The following BRDT variants were observed in gnomAD, a reference collection of about 807,000 sequenced individuals.
The protein encoded by BRDT is bromodomain testis-specific protein.
BRDT carries 77 observed loss-of-function variants against 113.9 expected under a neutral mutation model. That is an observed-to-expected ratio of 0.68 (90% confidence interval 0.56 to 0.82). The LOEUF is 0.82. Ranked by LOEUF, BRDT falls within the 40% of genes least tolerant of loss-of-function variation. The pLI is 0.00. For synonymous variants in BRDT, 358 were observed against 366.5 expected (o/e 0.98, Z 0.26); for missense variants, 1,027 against 1,105.4 (o/e 0.93, Z 1.01).
At chr1:91,954,849 G>C (rs981696568) in intron 1 of BRDT, among the ~76,000 whole-genome samples, 5 of 152,100 alleles carry the variant, frequency 3.3e-5, no homozygotes, top group Non-Finnish European at 5.9e-5. Flanking sequence ...TGTAGTCCCA[G>C]CTACTTGGGA....
chr1:91,961,953 C>T (rs7539390), intron 1 of BRDT, among the ~76,000 whole-genome samples: 1 of 151,706 alleles, frequency 6.6e-6, no homozygotes, highest in Non-Finnish European at 1.5e-5. Flanking sequence ...GTCAGGAGAT[C>T]TAGACCACGG....
intron 12 of BRDT, among the ~76,000 whole-genome samples, chr1:91,984,840 T>A (rs1685064957): frequency 6.6e-6 from 1 of 152,168 alleles, no homozygotes; most frequent in Non-Finnish European, 1.5e-5. Context: ...GGTTTCAACA[T>A]GTTTCCAAGG....
rs767284346 is a variant in BRDT at position 92,014,166 on chromosome 1, AT to A, written c.2776-35del. ...TTGTATAGTTGTAGTAAAGACATAC[AT>A]TTTTAAAGTAATATTAAAATTTTCT... On this transcript the variant is annotated intron_variant, in intron 18 of 18. Coordinates refer to ENST00000399546, the MANE Select transcript of BRDT (RefSeq NM_207189.4). The A allele has an allele frequency of 1.7e-5, 24 of 1,386,932 alleles. No individual in the cohort carries two copies. The African/African-American group carries it at 2.9e-4, about 17-fold the overall frequency. 85.9% of individuals were successfully genotyped at this position (1,386,932 alleles called of 1,614,324 possible).
At chr1:91,975,417 TA>T (rs1396480959) in intron 4 of BRDT, among the ~76,000 whole-genome samples, 1 of 152,200 alleles carries the variant, frequency 6.6e-6, no homozygotes, top group Non-Finnish European at 1.5e-5. Flanking sequence ...ATTTGAGTTT[TA>T]AAAGATCACT....
At chr1:91,971,903 T>C (rs1683663715) in intron 4 of BRDT, among the ~76,000 whole-genome samples, 1 of 152,198 alleles carries the variant, frequency 6.6e-6, no homozygotes, top group African/African-American at 2.4e-5. Context: ...CTTGGATCAT[T>C]AATCTCTCCT....
intron 7 of BRDT, 148 bp downstream of exon 7, chr1:91,978,444 A>G: frequency 1.1e-6 from 1 of 928,248 alleles, no homozygotes; most frequent in East Asian, 2.7e-5. Context: ...TGCACCAACA[A>G]AACAGTTTAT....
At chr1:91,967,502 A>G (rs1031614158) in intron 3 of BRDT, among the ~76,000 whole-genome samples, 3 of 152,060 alleles carry the variant, frequency 2.0e-5, no homozygotes, top group African/African-American at 7.2e-5. Context: ...GGGTTCAAGC[A>G]ATTCTCCTGC....
At chr1:91,977,871 A>G (rs1049490304) in intron 6 of BRDT, among the ~76,000 whole-genome samples, 1 of 151,916 alleles carries the variant, frequency 6.6e-6, no homozygotes, top group East Asian at 1.9e-4. Flanking sequence ...CTCTGTCTCA[A>G]AAAAAAAGAT....
chr1:91,962,836 T>C lies in BRDT; in HGVS notation c.82T>C (p.Leu28=). 1 of 1,612,866 alleles carries C rather than the reference T, an allele frequency of 6.2e-7. No homozygotes were observed. Residue 28 remains leucine, a synonymous_variant, in exon 2 of 19, where the codon TTG becomes CTG. Transcript: ENST00000399546. ...EYINTKKNGR[L]TNQLQYLQKV... ...TATAAATACTAAGAAAAATGGGCGA[T>C]TGACAAATCAACTTCAGTATCTACA...
At chr1:91,964,079 G>C (rs1387593757) in intron 2 of BRDT, among the ~76,000 whole-genome samples, 1 of 151,502 alleles carries the variant, frequency 6.6e-6, no homozygotes, top group Non-Finnish European at 1.5e-5. Context: ...TGTGTTTTTT[G>C]AGACAGAGTC....
rs1686903087 is a variant in BRDT, at chr1:92,002,062, G to C, written c.2301G>C (p.Gln767His). 1 of 1,612,158 alleles carries C rather than the reference G, an allele frequency of 6.2e-7. No homozygotes were observed. The highest frequency in any genetic ancestry group is 1.3e-5 in the African/African-American group (1 of 74,858). Residue 767 changes from glutamine (Q) to histidine (H), a missense_variant, in exon 16 of 19, where the codon CAG becomes CAC. By Grantham distance (24) the Gln-to-His change is conservative. Transcript: ENST00000399546. ...QILPPSGDSEQLSNGITVMHP... is the reference protein window; with the variant it reads ...QILPPSGDSEHLSNGITVMHP... ...GTGTGCATCCAGGTGATTCTGAACA[G>C]CTCTCAAATGGCATAACTGTGATGC...
intron 1 of BRDT, among the ~76,000 whole-genome samples, chr1:91,958,094 C>T (rs186720920): frequency 0.013 from 2,026 of 152,154 alleles, 117 homozygotes; most frequent in Admixed American, 0.1. Flanking sequence ...CCACCTGCCT[C>T]GGCCTTCCAA....
At chr1:91,988,189 A>G (rs1685439004) in intron 12 of BRDT, among the ~76,000 whole-genome samples, 1 of 152,048 alleles carries the variant, frequency 6.6e-6, no homozygotes, top group Non-Finnish European at 1.5e-5. Context: ...AAACTTTGCT[A>G]ACAAAGTTTT....
At chr1:91,977,484 G>A (rs1265895832) in intron 6 of BRDT, 91 bp downstream of exon 6, 3 of 1,131,020 alleles carry the variant, frequency 2.7e-6, no homozygotes, top group African/African-American at 1.6e-5. Flanking sequence ...AGAAAAAGAT[G>A]AAGGAAATTA....
intron 4 of BRDT, among the ~76,000 whole-genome samples, chr1:91,969,986 G>A (rs1683470025): frequency 1.3e-5 from 2 of 151,824 alleles, no homozygotes; most frequent in South Asian, 2.1e-4. Context: ...ATGCCACCAT[G>A]CCCAGCTAAT....
chr1:91,971,438 C>T (rs1040891338), intron 4 of BRDT, among the ~76,000 whole-genome samples: 1 of 152,140 alleles, frequency 6.6e-6, no homozygotes, highest in South Asian at 2.1e-4. Flanking sequence ...CAGAAGCATT[C>T]CACTACCAGA....
chr1:91,989,736 C>G (rs1685600698), intron 12 of BRDT, among the ~76,000 whole-genome samples: 1 of 152,198 alleles, frequency 6.6e-6, no homozygotes, highest in Non-Finnish European at 1.5e-5. Flanking sequence ...TCTCTTCCTC[C>G]TATGCCTAGC....
chr1:91,978,997 C>CAAAAAAAA (rs774952902), intron 7 of BRDT, among the ~76,000 whole-genome samples: 2 of 77,096 alleles, frequency 2.6e-5, no homozygotes, highest in African/African-American at 4.3e-5. Flanking sequence ...GACTACGTCT[C>CAAAAAAAA]AAAAAAAAAA....
At chr1:91,955,828 T>C (rs556698390) in intron 1 of BRDT, among the ~76,000 whole-genome samples, 9 of 152,314 alleles carry the variant, frequency 5.9e-5, no homozygotes, top group African/African-American at 2.2e-4. Flanking sequence ...GATAATCAGA[T>C]TATCAAATAT....
Sources: allele counts gnomAD v4.1 joint callset (sites outside exome capture counted in the v4.1 genomes callset), GRCh38; gene constraint gnomAD v4.1.1; transcripts MANE v1.5; gene names NCBI Gene and HGNC (gene_info 2026-07-23, HGNC 2026-07-21).